CPQ: variants seen among roughly 807,000 people sequenced by gnomAD.
CPQ encodes the protein Ser-Met dipeptidase.
In CPQ, 37 loss-of-function variants were observed where a neutral mutation model predicts 45.7. The observed-to-expected ratio is 0.81, with a 90% CI of 0.62 to 1.07. The LOEUF is 1.07. Among genes scored for constraint, CPQ ranks in the 50% least tolerant of loss-of-function variants. The pLI, the probability that CPQ is intolerant of heterozygous loss-of-function variation, is 0.00. For missense variants in CPQ, 537 were observed against 572.9 expected (o/e 0.94, Z 0.64); for synonymous variants, 186 against 205.8 (o/e 0.90, Z 0.82).
chr8:96,959,631 C>G (rs1227972566), intron 4 of CPQ, among the ~76,000 whole-genome samples: 1 of 152,048 alleles, frequency 6.6e-6, no homozygotes, highest in African/African-American at 2.4e-5. Context: ...TTAGCTGAAG[C>G]CCATTATTAG....
At chr8:96,724,650 G>A (rs552414531) in intron 1 of CPQ, among the ~76,000 whole-genome samples, 44 of 152,190 alleles carry the variant, frequency 2.9e-4, no homozygotes, top group African/African-American at 1.0e-3. Context: ...TGAATTGGAA[G>A]AATCAATATC....
At chr8:96,784,653 G>T (rs1310191240) in intron 1 of CPQ, among the ~76,000 whole-genome samples, 2 of 152,080 alleles carry the variant, frequency 1.3e-5, no homozygotes, top group Admixed American at 6.6e-5. Flanking sequence ...AGGATTAATA[G>T]GTAACACGTG....
At chr8:96,916,151 T>C (rs907408035) in intron 4 of CPQ, among the ~76,000 whole-genome samples, 1 of 152,188 alleles carries the variant, frequency 6.6e-6, no homozygotes, top group Non-Finnish European at 1.5e-5. Context: ...GTATGCGAGT[T>C]GACGCATATC....
chr8:96,809,193 A>G (rs764332975), intron 2 of CPQ, among the ~76,000 whole-genome samples: 1 of 151,980 alleles, frequency 6.6e-6, no homozygotes, highest in Non-Finnish European at 1.5e-5. Flanking sequence ...TATATAATAT[A>G]CATATATTAC....
intron 2 of CPQ, among the ~76,000 whole-genome samples, chr8:96,823,544 A>G (rs1226950411): frequency 6.6e-6 from 1 of 151,956 alleles, no homozygotes; most frequent in East Asian, 1.9e-4. Flanking sequence ...TTCTGATAAT[A>G]TTATCTGTAG....
intron 1 of CPQ, among the ~76,000 whole-genome samples, chr8:96,728,885 ATATG>A (rs950214543): frequency 6.6e-6 from 1 of 152,128 alleles, no homozygotes; most frequent in African/African-American, 2.4e-5. Context: ...ATCCTGGCAA[ATATG>A]TGGTCACAGG....
intron 5 of CPQ, among the ~76,000 whole-genome samples, chr8:96,998,478 A>G (rs1289747566): frequency 6.6e-6 from 1 of 151,988 alleles, no homozygotes; most frequent in African/African-American, 2.4e-5. Context: ...GTAATGCAAG[A>G]AGTTCTATTA....
chr8:96,902,462 T>C (rs144574617), intron 4 of CPQ, among the ~76,000 whole-genome samples: 35 of 152,290 alleles, frequency 2.3e-4, no homozygotes, highest in Admixed American at 1.8e-3. Context: ...ATGTACCTGT[T>C]TCTGAGGCAG....
rs573035901 is a variant in CPQ at position 96,895,146 on chromosome 8, A to T, written c.849+15141A>T. 3.9e-4 allele frequency among the ~76,000 whole-genome samples: 60 copies of T among 152,304 alleles called. No individual in the cohort carries two copies. In the South Asian group the frequency reaches 0.012, roughly 31 times the overall value. On this transcript the variant is annotated intron_variant, in intron 4 of 7. Transcript: ENST00000220763. ...GCAGCTCTACTGTTTTCTAGAGTTA[A>T]TAGAAGTTCCTGGTGAAAAAAACTA...
In CPQ at chr8:96,853,255, C is replaced by T. The variant is rs139947403; in HGVS notation, c.641+18075C>T. Reference sequence around the variant, plus strand: ...TAGTAGAAGGTGTGATTTTTGGGGGCGCATATGAAACATTCTAAAATTCAA... The same window carrying T: ...TAGTAGAAGGTGTGATTTTTGGGGGTGCATATGAAACATTCTAAAATTCAA... On this transcript the variant is annotated intron_variant, in intron 3 of 7. Coordinates refer to ENST00000220763, the MANE Select transcript of CPQ (RefSeq NM_016134.4). 5.3e-3 allele frequency among the ~76,000 whole-genome samples: 808 copies of T among 152,200 alleles called. 4 individuals are homozygous for T. The highest frequency in any genetic ancestry group is 0.016 in the African/African-American group (648 of 41,522).
At chr8:96,822,353 G>T (rs1811319470) in intron 2 of CPQ, among the ~76,000 whole-genome samples, 1 of 151,956 alleles carries the variant, frequency 6.6e-6, no homozygotes. Context: ...CAATAATGTT[G>T]TAATGAACAT....
intron 1 of CPQ, among the ~76,000 whole-genome samples, chr8:96,738,708 G>C (rs1810031857): frequency 6.6e-6 from 1 of 152,098 alleles, no homozygotes; most frequent in African/African-American, 2.4e-5. Context: ...AGAATATGCA[G>C]TGTTTGGTTT....
Position 96,965,970 on chromosome 8 carries a change from T to A in CPQ, c.885T>A (p.Asp295Glu). 2.5e-6 allele frequency: 4 copies of A among 1,614,040 alleles called. No individual in the cohort carries two copies. Among genetic ancestry groups the A allele is most frequent in the Non-Finnish European group, 3.4e-6 (4 of 1,179,972 alleles). Residue 295 changes from aspartate to glutamate, a missense_variant, in exon 5 of 8, where the codon GAT becomes GAA. Asp to Glu is a conservative substitution (Grantham distance 45). Transcript: ENST00000220763. ...TCAGTGGACATCTGGACAGCTGGGA[T>A]GTTGGGCAGGGTGCCATGGATGATG... The part of the protein sequence containing the change: ...VLVSGHLDSW[D>E]VGQGAMDDGG...
At chr8:97,066,231 T>C (rs1038289150) in intron 7 of CPQ, 21 bp downstream of exon 7, 2 of 1,600,482 alleles carry the variant, frequency 1.2e-6, no homozygotes. Context: ...AAGATGAAGT[T>C]GTGTTCCTTA....
chr8:97,014,318 T>A (rs937660442), intron 5 of CPQ, among the ~76,000 whole-genome samples: 4 of 152,248 alleles, frequency 2.6e-5, no homozygotes, highest in Middle Eastern at 3.4e-3. Context: ...AATAGAGCAG[T>A]GCTCAAGAAG....
At chr8:96,834,830 A>G (rs1462049966) in intron 2 of CPQ, 143 bp from the exon 3 acceptor site, 2 of 601,668 alleles carry the variant, frequency 3.3e-6, no homozygotes, top group Non-Finnish European at 5.5e-6. Context: ...TCCTTTTCCC[A>G]TGGTAAATGG....
At chr8:96,753,962 C>CT (rs1049598909) in intron 1 of CPQ, among the ~76,000 whole-genome samples, 3 of 151,572 alleles carry the variant, frequency 2.0e-5, no homozygotes, top group Non-Finnish European at 3.0e-5. Flanking sequence ...ATCTTTTGTT[C>CT]TTTTTTTAAA....
chr8:97,093,645 T>A (rs2513409), intron 7 of CPQ, among the ~76,000 whole-genome samples: 104,272 of 151,998 alleles, frequency 0.69, 36,044 homozygotes, highest in African/African-American at 0.74. Context: ...CTCACATTTG[T>A]TGAGTATTAC....
At chr8:96,757,980 G>GT (rs577581170) in intron 1 of CPQ, among the ~76,000 whole-genome samples, 4 of 152,126 alleles carry the variant, frequency 2.6e-5, no homozygotes, top group Non-Finnish European at 5.9e-5. Context: ...TAATTTGATG[G>GT]TTTTTTCAAA....
Sources: allele counts gnomAD v4.1 joint callset (sites outside exome capture counted in the v4.1 genomes callset), GRCh38; gene constraint gnomAD v4.1.1; transcripts MANE v1.5; gene names NCBI Gene and HGNC (gene_info 2026-07-23, HGNC 2026-07-21).